Variants in HEATR5A observed in about 807,000 individuals in gnomAD.
HEATR5A encodes HEAT repeat containing 5A, also known as HEAT repeat-containing protein 5A.
HEATR5A carries 178 observed loss-of-function variants against 218.8 expected under a neutral mutation model. The observed-to-expected ratio is 0.81, with a 90% CI of 0.72 to 0.92. The LOEUF (loss-of-function observed/expected upper bound fraction) is 0.92, where lower values mean the gene tolerates loss of function less well. HEATR5A is among the 40% of genes least tolerant of loss of function. The pLI, the probability that HEATR5A is intolerant of heterozygous loss-of-function variation, is 0.00. For synonymous variants in HEATR5A, 864 were observed against 871.6 expected, an observed-to-expected ratio of 0.99 and a Z score of 0.15; for missense variants, 2,420 against 2,418.9, an observed-to-expected ratio of 1.00 and a Z score of -0.01.
rs1481796033 is a variant in HEATR5A at position 31,337,506 on chromosome 14, C to T, written c.3337G>A (p.Ala1113Thr). Residue 1113 changes from alanine to threonine, a missense_variant, in exon 22 of 36, where the codon GCT (alanine) becomes ACT (threonine). Ala to Thr is a moderately conservative substitution (Grantham distance 58). Transcript: ENST00000543095. ...AEVSEHAVML[A>T]KDSREELTPD... ...GTCAACTCTTCTCTGCTATCCTTAG[C>T]AAGCATAACAGCATGTTCTGAAACT... 5 of 1,555,324 alleles carry T rather than the reference C, an allele frequency of 3.2e-6. No homozygotes were observed. The highest frequency in any genetic ancestry group is 1.7e-4 in the Middle Eastern group (1 of 6,020).
At chr14:31,400,274 T>A in intron 3 of HEATR5A, 27 bp downstream of exon 3, 1 of 1,430,228 alleles carries the variant, frequency 7.0e-7, no homozygotes, top group Non-Finnish European at 9.5e-7. Context: ...TATTTTGTTT[T>A]CTGTTCTGTT....
Position 31,383,655 on chromosome 14 carries a change from A to G in HEATR5A, c.1462T>C (p.Leu488=). 1.9e-6 allele frequency: 3 copies of G among 1,613,978 alleles called. No individual in the cohort carries two copies. The highest frequency in any genetic ancestry group is 2.5e-6 in the Non-Finnish European group (3 of 1,179,894). Residue 488 remains leucine (L), a synonymous_variant, in exon 10 of 36, where the codon TTG becomes CTG. Coordinates refer to ENST00000543095, the MANE Select transcript of HEATR5A (RefSeq NM_015473.4). The stretch of plus-strand genomic sequence containing the variant: ...GTAAGCCGTTCAAGGCAACGATCCA[A>G]GAGTGGTGTTAGGTAGGAGGGTAAT... ...VALPSYLTPL[L]DRCLERLTGH...
chr14:31,335,297 T>C lies in HEATR5A; in HGVS notation c.3367+2179A>G, dbSNP rs140089395. The stretch of plus-strand genomic sequence containing the variant: ...CAATACTAGGTATTGTGTATAGGTA[T>C]GCCTATATAGCAGCCCAGCCATGCT... On this transcript the variant is annotated intron_variant, in intron 22 of 35. Transcript: ENST00000543095. 4.0e-3 allele frequency among the ~76,000 whole-genome samples: 602 copies of C among 152,206 alleles called. 4 individuals carry two copies. Among genetic ancestry groups the C allele is most frequent in the African/African-American group, 0.014 (580 of 41,558 alleles).
chr14:31,372,515 T>C (rs1442985299), intron 12 of HEATR5A, among the ~76,000 whole-genome samples: 1 of 152,076 alleles, frequency 6.6e-6, no homozygotes, highest in African/African-American at 2.4e-5. Flanking sequence ...ACTTTGTATG[T>C]AGAATAAGAT....
At chr14:31,334,892 G>A (rs945300369) in intron 22 of HEATR5A, among the ~76,000 whole-genome samples, 1 of 139,382 alleles carries the variant, frequency 7.2e-6, no homozygotes, top group African/African-American at 2.7e-5. Flanking sequence ...CTTGCAGTGA[G>A]CCAAGATCGT....
chr14:31,305,987 A>G (rs1833574755), intron 31 of HEATR5A, among the ~76,000 whole-genome samples: 1 of 152,242 alleles, frequency 6.6e-6, no homozygotes, highest in African/African-American at 2.4e-5. Context: ...CCAATACCAT[A>G]TTAGACTTGT....
chr14:31,368,294 T>C (rs1901879841), intron 13 of HEATR5A, among the ~76,000 whole-genome samples: 3 of 152,040 alleles, frequency 2.0e-5, no homozygotes, highest in Admixed American at 6.6e-5. Context: ...AGACACCCAA[T>C]CTGCTGGTGT....
intron 26 of HEATR5A, among the ~76,000 whole-genome samples, chr14:31,317,895 C>A (rs1899963856): frequency 6.6e-6 from 1 of 152,192 alleles, no homozygotes; most frequent in Non-Finnish European, 1.5e-5. Context: ...TTGGGGGAAT[C>A]CATCAATTCA....
chr14:31,416,785 G>C (rs562022509), intron 1 of HEATR5A, among the ~76,000 whole-genome samples: 34 of 152,140 alleles, frequency 2.2e-4, no homozygotes, highest in Admixed American at 1.9e-3. Flanking sequence ...GACCAACTAG[G>C]AATCACTAGA....
chr14:31,348,530 C>T (rs1388728622), intron 18 of HEATR5A, among the ~76,000 whole-genome samples: 1 of 152,122 alleles, frequency 6.6e-6, no homozygotes, highest in Non-Finnish European at 1.5e-5. Context: ...CTGCAGTGAG[C>T]CACAATCACA....
chr14:31,303,964 G>A (rs79650575), intron 32 of HEATR5A, among the ~76,000 whole-genome samples: 4,923 of 152,048 alleles, frequency 0.032, 99 homozygotes, highest in Non-Finnish European at 0.052. Flanking sequence ...CCAGCACTTC[G>A]GGATGTCAAG....
intron 22 of HEATR5A, among the ~76,000 whole-genome samples, chr14:31,326,651 T>A (rs976831628): frequency 6.6e-6 from 1 of 152,212 alleles, no homozygotes; most frequent in African/African-American, 2.4e-5. Flanking sequence ...AATTTTTTTT[T>A]CTTTATTCGA....
chr14:31,384,355 G>C (rs2030118093), intron 9 of HEATR5A, among the ~76,000 whole-genome samples: 1 of 151,426 alleles, frequency 6.6e-6, no homozygotes, highest in Non-Finnish European at 1.5e-5. Flanking sequence ...GAGGTGGGAG[G>C]ATCGCTTGAG....
rs115661958 is a variant in HEATR5A at position 31,335,551 on chromosome 14, A to G, written c.3367+1925T>C. Among the ~76,000 whole-genome samples the G allele has an allele frequency of 8.7e-3, 1,332 of 152,308 alleles. 14 individuals carry two copies. Among genetic ancestry groups the G allele is most frequent in the African/African-American group, 0.03 (1,235 of 41,570 alleles). ...TACTTAAAGAGCATAGATTACTGAT[A>G]GTAAAATATATTATGGACCTAAAAG... On this transcript the variant is annotated intron_variant, in intron 22 of 35. Coordinates refer to ENST00000543095, the MANE Select transcript of HEATR5A (RefSeq NM_015473.4).
At chr14:31,393,860 C>A (rs1375038242) in intron 6 of HEATR5A, among the ~76,000 whole-genome samples, 192 bp downstream of exon 6, 2 of 152,172 alleles carry the variant, frequency 1.3e-5, no homozygotes, top group African/African-American at 4.8e-5. Flanking sequence ...GTTGGCCAGA[C>A]TGGTCTCAAA....
Position 31,341,174 on chromosome 14 carries a change from T to C in HEATR5A, c.3228+2722A>G, listed in dbSNP as rs74043930. On this transcript the variant is annotated intron_variant, in intron 21 of 35. Transcript: ENST00000543095. The stretch of plus-strand genomic sequence containing the variant: ...CTATGATTGTGTATTAAAAAAATCA[T>C]TTTACAGCTTGAATATTATGAGTTA... Among the ~76,000 whole-genome samples the C allele has an allele frequency of 2.4e-3, 358 of 152,334 alleles. 2 individuals carry two copies. Among genetic ancestry groups the C allele is most frequent in the African/African-American group, 7.9e-3 (327 of 41,564 alleles).
At chr14:31,392,304 T>C (rs893204276) in intron 6 of HEATR5A, among the ~76,000 whole-genome samples, 7 of 152,114 alleles carry the variant, frequency 4.6e-5, no homozygotes, top group Non-Finnish European at 1.0e-4. Flanking sequence ...ATGCAATGTA[T>C]CTGGCAATAC....
chr14:31,324,489 T>C (rs79816217), intron 23 of HEATR5A, among the ~76,000 whole-genome samples: 3,469 of 152,220 alleles, frequency 0.023, 121 homozygotes, highest in African/African-American at 0.079. Context: ...ACCAAACATG[T>C]CACAAATAAA....
intron 28 of HEATR5A, 36 bp downstream of exon 28, chr14:31,312,932 C>T: frequency 6.8e-7 from 1 of 1,461,390 alleles, no homozygotes; most frequent in Non-Finnish European, 9.5e-7. Flanking sequence ...GTGTTACTGT[C>T]ACTCTAGGAA....
Sources: allele counts gnomAD v4.1 joint callset (sites outside exome capture counted in the v4.1 genomes callset), GRCh38; gene constraint gnomAD v4.1.1; transcripts MANE v1.5; gene names NCBI Gene and HGNC (gene_info 2026-07-23, HGNC 2026-07-21).